DAAM1: variants seen among roughly 807,000 people sequenced by gnomAD.
The protein encoded by DAAM1 is dishevelled associated activator of morphogenesis 1, also known as disheveled-associated activator of morphogenesis 1.
In DAAM1, 52 loss-of-function variants were observed where a neutral mutation model predicts 130.0. That is an observed-to-expected ratio of 0.40 (90% CI 0.32 to 0.50). DAAM1 has a LOEUF of 0.50. DAAM1 is among the 20% of genes least tolerant of loss of function. DAAM1 has a pLI of 0.61. For synonymous variants in DAAM1, 452 were observed against 444.5 expected (o/e 1.02, Z -0.21); for missense variants, 1,134 against 1,303.8 (o/e 0.87, Z 2.01).
chr14:59,220,812 T>C (rs1002807786), intron 1 of DAAM1, among the ~76,000 whole-genome samples: 8 of 152,178 alleles, frequency 5.3e-5, no homozygotes, highest in African/African-American at 1.9e-4. Context: ...GTTTCAGCTC[T>C]AGGAGAGTGA....
chr14:59,340,303 T>G (rs1281655618), intron 16 of DAAM1, 123 bp downstream of exon 16: 2 of 851,594 alleles, frequency 2.3e-6, no homozygotes, highest in Admixed American at 2.4e-5. Context: ...TTGGATCCCC[T>G]TCTGTTAAAA....
intron 1 of DAAM1, among the ~76,000 whole-genome samples, chr14:59,214,731 CA>C (rs1400639350): frequency 6.6e-6 from 1 of 152,070 alleles, no homozygotes; most frequent in Non-Finnish European, 1.5e-5. Flanking sequence ...AGATATACCA[CA>C]TTTTTTTTTA....
At chr14:59,308,509 G>A (rs185188449) in intron 3 of DAAM1, among the ~76,000 whole-genome samples, 2 of 152,216 alleles carry the variant, frequency 1.3e-5, no homozygotes, top group East Asian at 3.9e-4. Flanking sequence ...TCAGTGTCCG[G>A]TGAATTTTTT....
At chr14:59,232,809 A>C (rs1025287387) in intron 1 of DAAM1, among the ~76,000 whole-genome samples, 1 of 151,684 alleles carries the variant, frequency 6.6e-6, no homozygotes, top group African/African-American at 2.4e-5. Context: ...TCACCCCACA[A>C]CAGCCCCTGG....
At chr14:59,212,035 C>T (rs1888440438) in intron 1 of DAAM1, among the ~76,000 whole-genome samples, 1 of 152,162 alleles carries the variant, frequency 6.6e-6, no homozygotes, top group Non-Finnish European at 1.5e-5. Context: ...GCTAGATTCA[C>T]ATTTTGTAAC....
intron 1 of DAAM1, among the ~76,000 whole-genome samples, chr14:59,252,627 A>G (rs1566668781): frequency 6.6e-6 from 1 of 152,224 alleles, no homozygotes; most frequent in Non-Finnish European, 1.5e-5. Context: ...TGATACACAC[A>G]GGAATGTCAG....
At chr14:59,270,898 T>C (rs1882682842) in intron 2 of DAAM1, among the ~76,000 whole-genome samples, 1 of 152,150 alleles carries the variant, frequency 6.6e-6, no homozygotes, top group South Asian at 2.1e-4. Flanking sequence ...ACGTAAAAAA[T>C]CCAGGTTTAA....
rs572795138 is a variant in DAAM1, at chr14:59,206,285, A to T, written c.-38+17517A>T. Among the ~76,000 whole-genome samples, 309 of 151,494 alleles carry T rather than the reference A, an allele frequency of 2.0e-3. 3 individuals are homozygous for T. The highest frequency in any genetic ancestry group is 2.1e-3 in the South Asian group (10 of 4,784). On this transcript the variant is annotated intron_variant, in intron 1 of 24. Transcript: ENST00000360909. ...TCAGGTATTTATTTTATTTTATTTT[A>T]TTTTTTTTGAGACGGAGTCTTGCTC...
Position 59,188,785 on chromosome 14 carries a change from T to A in DAAM1, c.-38+17T>A, listed in dbSNP as rs1478439013. Reference sequence around the variant, plus strand: ...GCTGCTCAGGTAAGGGGGACGCTCCTCCTTGCCCGCCGCACTCATTCATTA... The same window carrying A: ...GCTGCTCAGGTAAGGGGGACGCTCCACCTTGCCCGCCGCACTCATTCATTA... On this transcript the variant is annotated intron_variant, in intron 1 of 24. Transcript: ENST00000360909. 6.5e-6 allele frequency: 1 copy of A among 152,958 alleles called. No homozygotes were observed. The highest frequency in any genetic ancestry group is 1.5e-5 in the Non-Finnish European group (1 of 68,338). The allele number at this position is 152,958 out of a possible 1,614,324, so 9.5% of individuals were successfully genotyped here.
intron 2 of DAAM1, among the ~76,000 whole-genome samples, chr14:59,289,784 A>ATAGAT: frequency 7.8e-6 from 1 of 128,714 alleles, no homozygotes; most frequent in Non-Finnish European, 1.7e-5. Flanking sequence ...ATATATATAT[A>ATAGAT]ATGGAATGCT....
intron 2 of DAAM1, among the ~76,000 whole-genome samples, chr14:59,277,441 G>A (rs1883020187): frequency 6.6e-6 from 1 of 151,838 alleles, no homozygotes; most frequent in African/African-American, 2.4e-5. Context: ...AGTTCCCACA[G>A]CTGGGCTTCC....
chr14:59,274,771 C>G (rs1594793613), intron 2 of DAAM1, among the ~76,000 whole-genome samples: 1 of 152,182 alleles, frequency 6.6e-6, no homozygotes, highest in South Asian at 2.1e-4. Flanking sequence ...TTCTTATACT[C>G]TGCCTGCACC....
intron 19 of DAAM1, among the ~76,000 whole-genome samples, chr14:59,354,661 G>T (rs1886408914): frequency 1.3e-5 from 2 of 152,150 alleles, no homozygotes; most frequent in South Asian, 4.1e-4. Context: ...TTGAAATGTG[G>T]GCAAGGCAAC....
intron 4 of DAAM1, among the ~76,000 whole-genome samples, chr14:59,316,718 A>T (rs976306094): frequency 6.6e-6 from 1 of 152,208 alleles, no homozygotes; most frequent in African/African-American, 2.4e-5. Context: ...AATAATTTGG[A>T]GCCATTTATA....
chr14:59,247,913 C>T (rs1180069080), intron 1 of DAAM1, among the ~76,000 whole-genome samples: 1 of 152,070 alleles, frequency 6.6e-6, no homozygotes, highest in Non-Finnish European at 1.5e-5. Context: ...TATTGTTACT[C>T]CTTTAACATA....
chr14:59,277,678 A>G (rs1473327572), intron 2 of DAAM1, among the ~76,000 whole-genome samples: 3 of 152,082 alleles, frequency 2.0e-5, no homozygotes, highest in Non-Finnish European at 4.4e-5. Flanking sequence ...TTTTCCTTTG[A>G]CTTTTAAAAC....
chr14:59,329,727 C>T (rs1354723310), intron 12 of DAAM1, among the ~76,000 whole-genome samples: 1 of 152,162 alleles, frequency 6.6e-6, no homozygotes, highest in African/African-American at 2.4e-5. Flanking sequence ...TGTGAATATG[C>T]ATTATGCTGA....
intron 12 of DAAM1, among the ~76,000 whole-genome samples, chr14:59,330,213 TCCA>T (rs1330848769): frequency 1.3e-5 from 2 of 152,212 alleles, no homozygotes; most frequent in Non-Finnish European, 2.9e-5. Flanking sequence ...ACCATTCTCC[TCCA>T]CAAGAAGTCA....
Position 59,274,293 on chromosome 14 carries a change from A to G in DAAM1, c.183+10633A>G, listed in dbSNP as rs150689058. ...ATAATTAAAAACTCAGAATATATAT[A>G]TGACATGTATATATATTTATGTTAT... On this transcript the variant is annotated intron_variant, in intron 2 of 24. Coordinates refer to ENST00000360909, the MANE Select transcript of DAAM1 (RefSeq NM_001270520.2). 3.3e-5 allele frequency among the ~76,000 whole-genome samples: 5 copies of G among 152,308 alleles called. No individual in the cohort carries two copies. The East Asian group carries it at 9.6e-4, about 29-fold the overall frequency.
Sources: allele counts gnomAD v4.1 joint callset (sites outside exome capture counted in the v4.1 genomes callset), GRCh38; gene constraint gnomAD v4.1.1; transcripts MANE v1.5; gene names NCBI Gene and HGNC (gene_info 2026-07-23, HGNC 2026-07-21).